The following EFL1 variants were observed in gnomAD, a reference collection of about 807,000 sequenced individuals.
The protein encoded by EFL1 is elongation factor-like GTPase 1.
In EFL1, 76 loss-of-function variants were observed where a neutral mutation model predicts 126.7. The observed-to-expected ratio is 0.60, with a 90% CI of 0.50 to 0.73. EFL1 has a LOEUF of 0.73. Among genes scored for constraint, EFL1 ranks in the 30% least tolerant of loss-of-function variants. The pLI, the probability that EFL1 is intolerant of heterozygous loss-of-function variation, is 0.00. For missense variants in EFL1, 1,128 were observed against 1,343.2 expected (o/e 0.84, Z 2.50); for synonymous variants, 410 against 448.4 (o/e 0.91, Z 1.08).
chr15:82,217,373 GAAA>G, intron 14 of EFL1, among the ~76,000 whole-genome samples: 118 of 27,146 alleles, frequency 4.3e-3, no homozygotes, highest in African/African-American at 0.015. Context: ...GATTAGATTT[GAAA>G]AAAAAAAAAA....
At chr15:82,146,188 T>C (rs1035888299) in intron 18 of EFL1, among the ~76,000 whole-genome samples, 7 of 152,156 alleles carry the variant, frequency 4.6e-5, no homozygotes, top group African/African-American at 1.4e-4. Flanking sequence ...ATTTTGACCA[T>C]ATGCAAGTCT....
chr15:82,206,394 AAACTC>A (rs1470678045), intron 15 of EFL1, among the ~76,000 whole-genome samples: 1 of 152,136 alleles, frequency 6.6e-6, no homozygotes, highest in Non-Finnish European at 1.5e-5. Context: ...AAAAGGAAAA[AAACTC>A]AAGTAATATG....
chr15:82,148,351 C>G (rs2073870914), intron 18 of EFL1, among the ~76,000 whole-genome samples: 1 of 143,042 alleles, frequency 7.0e-6, no homozygotes, highest in South Asian at 2.2e-4. Context: ...GCACTCCAGC[C>G]TAGGTGACAG....
At chr15:82,247,452 C>G (rs1003105556) in intron 4 of EFL1, among the ~76,000 whole-genome samples, 1 of 152,038 alleles carries the variant, frequency 6.6e-6, no homozygotes, top group African/African-American at 2.4e-5. Context: ...TCACCAGGAG[C>G]TGACAATGAC....
intron 15 of EFL1, among the ~76,000 whole-genome samples, chr15:82,204,286 C>T (rs1195859162): frequency 1.3e-5 from 2 of 152,106 alleles, no homozygotes; most frequent in Admixed American, 1.3e-4. Context: ...TTTATAATAA[C>T]TGCCACTACT....
chr15:82,209,953 G>C (rs2074566580), intron 15 of EFL1, among the ~76,000 whole-genome samples: 1 of 152,148 alleles, frequency 6.6e-6, no homozygotes, highest in African/African-American at 2.4e-5. Context: ...ATTTTCATCT[G>C]CACTTGATAA....
intron 15 of EFL1, among the ~76,000 whole-genome samples, chr15:82,191,462 T>C (rs541008434): frequency 1.7e-3 from 252 of 152,254 alleles, no homozygotes; most frequent in Non-Finnish European, 2.9e-3. Context: ...TCAAATACTA[T>C]AGATAAAAGC....
intron 19 of EFL1, among the ~76,000 whole-genome samples, chr15:82,134,219 T>C (rs1196160518): frequency 6.6e-6 from 1 of 152,138 alleles, no homozygotes; most frequent in Non-Finnish European, 1.5e-5. Context: ...ACAGGGGAGA[T>C]GGAGTAACAC....
chr15:82,141,181 T>C (rs1422145260), intron 18 of EFL1, among the ~76,000 whole-genome samples: 2 of 152,202 alleles, frequency 1.3e-5, no homozygotes, highest in South Asian at 2.1e-4. Flanking sequence ...CTCTTGGTAT[T>C]TGGTACCCGG....
intron 15 of EFL1, among the ~76,000 whole-genome samples, chr15:82,210,149 T>C (rs1449807109): frequency 6.6e-6 from 1 of 152,186 alleles, no homozygotes; most frequent in African/African-American, 2.4e-5. Context: ...CTGTCATGAG[T>C]CTGTTAAAAT....
chr15:82,165,417 G>A (rs966689291), intron 15 of EFL1, among the ~76,000 whole-genome samples: 4 of 152,114 alleles, frequency 2.6e-5, no homozygotes, highest in African/African-American at 9.7e-5. Context: ...GGAGGCCACC[G>A]AATCACACAT....
At chr15:82,210,020 T>A (rs887623244) in intron 15 of EFL1, among the ~76,000 whole-genome samples, 1 of 152,194 alleles carries the variant, frequency 6.6e-6, no homozygotes, top group Admixed American at 6.5e-5. Context: ...ATCATATTGG[T>A]CTCCACTATT....
intron 18 of EFL1, among the ~76,000 whole-genome samples, chr15:82,142,577 C>T (rs2073801245): frequency 6.6e-6 from 1 of 152,040 alleles, no homozygotes; most frequent in South Asian, 2.1e-4. Flanking sequence ...AGGAATTCAT[C>T]AAGGAAAAAA....
chr15:82,223,624 T>C (rs2141306885), intron 12 of EFL1, among the ~76,000 whole-genome samples: 1 of 152,270 alleles, frequency 6.6e-6, no homozygotes, highest in South Asian at 2.1e-4. Context: ...AACAGCAAGT[T>C]TTCCAATTCT....
chr15:82,211,474 C>T (rs1237248939), intron 15 of EFL1, among the ~76,000 whole-genome samples: 4 of 149,592 alleles, frequency 2.7e-5, no homozygotes, highest in East Asian at 3.9e-4. Context: ...TACAGTGAGC[C>T]GAGATTGTGC....
chr15:82,199,048 C>CT (rs2074439794), intron 15 of EFL1, among the ~76,000 whole-genome samples: 1 of 151,930 alleles, frequency 6.6e-6, no homozygotes, highest in African/African-American at 2.4e-5. Flanking sequence ...ACAAAACCTG[C>CT]TTTTTTTCTT....
intron 2 of EFL1, among the ~76,000 whole-genome samples, chr15:82,260,055 T>C (rs185641663): frequency 2.2e-3 from 329 of 152,312 alleles, no homozygotes; most frequent in Non-Finnish European, 2.6e-3. Flanking sequence ...CTTTGCTTTA[T>C]TCACAGCAGT....
rs1189956698 is a variant in EFL1, at chr15:82,151,559, C to A, written c.2895G>T (p.Met965Ile). The change falls in exon 18 of 20, where the codon ATG (methionine) becomes ATT (isoleucine). Residue 965 changes from methionine to isoleucine, a missense_variant. Met to Ile is a conservative substitution (Grantham distance 10). Coordinates refer to ENST00000268206, the MANE Select transcript of EFL1 (RefSeq NM_024580.6). The stretch of plus-strand genomic sequence containing the variant: ...GCAGTGCATAGCGACATGCTTCTTT[C>A]ATGGTGGCAATTAGCTGTCCTGAGA... Reference protein sequence around the residue: ...GPFSGQLIATMKEACRYALQV... With the variant: ...GPFSGQLIATIKEACRYALQV... 1.9e-6 allele frequency: 3 copies of A among 1,614,152 alleles called. No homozygotes were observed. The East Asian group carries it at 6.7e-5, about 36-fold the overall frequency.
intron 12 of EFL1, among the ~76,000 whole-genome samples, chr15:82,221,252 T>C (rs557300791): frequency 6.8e-4 from 104 of 152,242 alleles, no homozygotes; most frequent in African/African-American, 2.4e-3. Flanking sequence ...TATTTGCCAA[T>C]CTCAGACTTC....
Sources: gnomAD v4.1 joint callset for allele counts (sites outside exome capture counted in the v4.1 genomes callset) on GRCh38, gnomAD v4.1.1 for gene constraint, MANE v1.5 for transcripts, NCBI Gene and HGNC (gene_info 2026-07-23, HGNC 2026-07-21) for gene names.